The following TM9SF2 variants were observed in gnomAD, a reference collection of about 807,000 sequenced individuals.
TM9SF2 encodes transmembrane 9 superfamily member 2.
A neutral mutation model predicts 84.9 loss-of-function variants in TM9SF2; 13 were observed. The ratio of observed to expected loss-of-function variants is 0.15; its 90% CI spans 0.10 to 0.24. The LOEUF is 0.24. Ranked by LOEUF, TM9SF2 falls within the 10% of genes least tolerant of loss-of-function variation. The pLI, the probability that TM9SF2 is intolerant of heterozygous loss-of-function variation, is 1.00. For missense variants in TM9SF2, 562 were observed against 818.5 expected (o/e 0.69, Z 3.82); for synonymous variants, 273 against 285.8 (o/e 0.96, Z 0.45).
At chr13:99,516,038 T>TA (rs937119819) in intron 1 of TM9SF2, among the ~76,000 whole-genome samples, 3 of 152,102 alleles carry the variant, frequency 2.0e-5, no homozygotes, top group Non-Finnish European at 4.4e-5. Flanking sequence ...AGCCGAGAAA[T>TA]ACTGTTATCC....
chr13:99,519,067 T>C (rs7991668), intron 2 of TM9SF2, among the ~76,000 whole-genome samples: 3,766 of 152,228 alleles, frequency 0.025, 163 homozygotes, highest in African/African-American at 0.086. Context: ...TAGAGAAAAG[T>C]ATACACAAAA....
intron 8 of TM9SF2, among the ~76,000 whole-genome samples, 183 bp from the exon 9 acceptor site, chr13:99,541,376 T>C (rs2046258951): frequency 6.6e-6 from 1 of 152,226 alleles, no homozygotes; most frequent in South Asian, 2.1e-4. Flanking sequence ...GTATATAATG[T>C]TATTTATCTA....
At chr13:99,522,396 A>G (rs1328458174) in intron 3 of TM9SF2, among the ~76,000 whole-genome samples, 2 of 152,190 alleles carry the variant, frequency 1.3e-5, no homozygotes. Flanking sequence ...AACACAGTAG[A>G]TTCAAAGGCC....
At chr13:99,523,168 T>C (rs2046167703) in intron 3 of TM9SF2, among the ~76,000 whole-genome samples, 2 of 152,218 alleles carry the variant, frequency 1.3e-5, no homozygotes, top group African/African-American at 4.8e-5. Flanking sequence ...TCTTTATGTA[T>C]GTATTTATTT....
intron 1 of TM9SF2, 114 bp downstream of exon 1, chr13:99,501,891 G>A (rs2046067797): frequency 1.4e-6 from 2 of 1,428,460 alleles, no homozygotes; most frequent in African/African-American, 2.9e-5. Context: ...AGCGGGTGGG[G>A]TTGAGTTTCC....
At position 99,537,801 on chromosome 13, in the gene TM9SF2, T is replaced by C; in HGVS notation, c.654T>C (p.Tyr218=). The change falls in exon 6 of 17, where the codon TAT becomes TAC. Residue 218 remains tyrosine, a synonymous_variant. Coordinates refer to ENST00000376387, the MANE Select transcript of TM9SF2 (RefSeq NM_004800.3). ...ACCATGTTGACATCAAAATATACTA[T>C]CATGTTGTTGAAACTGGGTCCATGG... ...IFNHVDIKIY[Y]HVVETGSMGA... 1 of 1,611,734 alleles carries C rather than the reference T, an allele frequency of 6.2e-7. No homozygotes were observed.
At chr13:99,542,149 CAAAA>C (rs111678997) in intron 9 of TM9SF2, among the ~76,000 whole-genome samples, 1 of 113,270 alleles carries the variant, frequency 8.8e-6, no homozygotes, top group Non-Finnish European at 1.9e-5. Flanking sequence ...GACTCTGTCT[CAAAA>C]AAAAAAAAAA....
At chr13:99,509,001 C>T (rs940088088) in intron 1 of TM9SF2, among the ~76,000 whole-genome samples, 4 of 152,180 alleles carry the variant, frequency 2.6e-5, no homozygotes, top group African/African-American at 7.2e-5. Flanking sequence ...TAACTGACTG[C>T]AGCATTAATT....
chr13:99,529,103 C>T (rs192707024), intron 3 of TM9SF2, among the ~76,000 whole-genome samples: 2 of 152,236 alleles, frequency 1.3e-5, no homozygotes, highest in African/African-American at 4.8e-5. Context: ...ACTAGAAAGC[C>T]ATTAACTCCA....
intron 12 of TM9SF2, 52 bp from the exon 13 acceptor site, chr13:99,552,115 T>C: frequency 6.5e-7 from 1 of 1,529,988 alleles, no homozygotes; most frequent in Non-Finnish European, 9.0e-7. Context: ...TACATACTAC[T>C]GTTGCATTTT....
intron 1 of TM9SF2, among the ~76,000 whole-genome samples, chr13:99,517,001 A>C (rs1000839201): frequency 6.6e-6 from 1 of 152,238 alleles, no homozygotes; most frequent in Non-Finnish European, 1.5e-5. Context: ...TATTAATATG[A>C]TAAATGCTTT....
In TM9SF2 at chr13:99,540,782, T is replaced by A; in HGVS notation, c.897T>A (p.Ile299=). Residue 299 remains isoleucine, a synonymous_variant, in exon 8 of 17, where the codon ATT becomes ATA. Coordinates refer to ENST00000376387, the MANE Select transcript of TM9SF2 (RefSeq NM_004800.3). ...YILESMPHTH[I]QWFSIMNSLV... Reference sequence around the variant, plus strand: ...TGGAGTCTATGCCTCATACCCACATTCAGTGGTTTAGGTAAGAGTACAGAG... The same window carrying A: ...TGGAGTCTATGCCTCATACCCACATACAGTGGTTTAGGTAAGAGTACAGAG... 2 of 1,613,722 alleles carry A rather than the reference T, an allele frequency of 1.2e-6. 1 individual carries two copies. Among genetic ancestry groups the A allele is most frequent in the Non-Finnish European group, 1.7e-6 (2 of 1,179,782 alleles).
At chr13:99,510,141 C>T (rs568417831) in intron 1 of TM9SF2, among the ~76,000 whole-genome samples, 111 of 152,340 alleles carry the variant, frequency 7.3e-4, no homozygotes, top group Non-Finnish European at 1.5e-3. Flanking sequence ...GACCTTTGCA[C>T]AAGTTCCCAG....
At chr13:99,507,342 C>G (rs1370655289) in intron 1 of TM9SF2, among the ~76,000 whole-genome samples, 2 of 152,188 alleles carry the variant, frequency 1.3e-5, no homozygotes, top group Non-Finnish European at 2.9e-5. Flanking sequence ...AGAAAACACT[C>G]TGTATCTATT....
intron 6 of TM9SF2, among the ~76,000 whole-genome samples, chr13:99,538,367 T>A (rs547629222): frequency 4.4e-4 from 67 of 152,346 alleles, no homozygotes; most frequent in Non-Finnish European, 8.7e-4. Flanking sequence ...TATGAGATTT[T>A]TTTTTTAAAT....
At chr13:99,515,472 C>T (rs1269984932) in intron 1 of TM9SF2, among the ~76,000 whole-genome samples, 1 of 152,212 alleles carries the variant, frequency 6.6e-6, no homozygotes, top group Non-Finnish European at 1.5e-5. Context: ...GTTGCTGTTG[C>T]ATTATAATTT....
chr13:99,544,045 T>G, intron 10 of TM9SF2, 50 bp downstream of exon 10: 1 of 1,599,192 alleles, frequency 6.3e-7, no homozygotes, highest in Non-Finnish European at 8.5e-7. Flanking sequence ...CTAAATACAG[T>G]AATTGCTTAA....
intron 12 of TM9SF2, 52 bp downstream of exon 12, chr13:99,549,274 C>T (rs1372764602): frequency 2.0e-6 from 3 of 1,490,454 alleles, no homozygotes; most frequent in Admixed American, 3.4e-5. Context: ...ATGTTAGTCC[C>T]CAAATTTTCA....
At chr13:99,541,531 A>T in intron 8 of TM9SF2, 28 bp from the exon 9 acceptor site, 1 of 1,510,260 alleles carries the variant, frequency 6.6e-7, no homozygotes, top group Non-Finnish European at 9.2e-7. Context: ...TAAGCTACAG[A>T]TTACTCATGA....
Sources: gnomAD v4.1 joint callset for allele counts (sites outside exome capture counted in the v4.1 genomes callset) on GRCh38, gnomAD v4.1.1 for gene constraint, MANE v1.5 for transcripts, NCBI Gene and HGNC (gene_info 2026-07-23, HGNC 2026-07-21) for gene names.